Variants in KIF20B observed in about 807,000 individuals in gnomAD.
KIF20B encodes the protein kinesin family member 20B, also known as kinesin-like protein KIF20B.
KIF20B carries 188 observed loss-of-function variants against 232.5 expected under a neutral mutation model. The observed-to-expected ratio is 0.81, with a 90% CI of 0.72 to 0.91. The LOEUF (loss-of-function observed/expected upper bound fraction) is 0.91, where lower values mean the gene tolerates loss of function less well. KIF20B is among the 40% of genes least tolerant of loss of function. The pLI is 0.00. For missense variants in KIF20B, 2,154 were observed against 2,055.9 expected (o/e 1.05, Z -0.92); for synonymous variants, 712 against 683.0 (o/e 1.04, Z -0.66).
intron 14 of KIF20B, 73 bp downstream of exon 14, chr10:89,724,176 G>A (rs2133105875): frequency 1.5e-6 from 2 of 1,324,864 alleles, no homozygotes; most frequent in Non-Finnish European, 2.0e-6. Context: ...TTTTTACTTA[G>A]TTTACTTTTT....
At chr10:89,714,588 A>T (rs1309902166) in intron 7 of KIF20B, among the ~76,000 whole-genome samples, 1 of 152,216 alleles carries the variant, frequency 6.6e-6, no homozygotes, top group East Asian at 1.9e-4. Context: ...GGAAAATGAT[A>T]CATATTTATA....
chr10:89,716,578 G>A (rs748717784), intron 9 of KIF20B, 31 bp downstream of exon 9: 11 of 1,006,338 alleles, frequency 1.1e-5, no homozygotes, highest in African/African-American at 1.6e-5. Flanking sequence ...GAGTAAACTC[G>A]AATCACCGAT....
At chr10:89,725,201 G>C in intron 15 of KIF20B, 43 bp downstream of exon 15, 1 of 1,586,518 alleles carries the variant, frequency 6.3e-7, no homozygotes, top group East Asian at 2.2e-5. Flanking sequence ...TGAGGTTTTG[G>C]TACCAGGGTT....
chr10:89,741,074 G>A (rs556382278), intron 21 of KIF20B, among the ~76,000 whole-genome samples: 1 of 152,288 alleles, frequency 6.6e-6, no homozygotes, highest in East Asian at 1.9e-4. Flanking sequence ...TCACCATAAT[G>A]TAGAATCAGT....
Position 89,708,214 on chromosome 10 carries a change from A to AT in KIF20B, c.148-939dup, listed in dbSNP as rs35028648. On this transcript the variant is annotated intron_variant, in intron 2 of 32. Transcript: ENST00000371728. ...CTTAAAGAGTTTATGTACAATTTGT[A>AT]TTTTTTTTTTTTTTGAGACGGAGTT... Among the ~76,000 whole-genome samples, 155 of 144,004 alleles carry AT rather than the reference A, an allele frequency of 1.1e-3. 1 individual carries two copies. The highest frequency in any genetic ancestry group is 2.4e-3 in the African/African-American group (95 of 39,514). 94.5% of individuals were successfully genotyped at this position (144,004 alleles called of 152,430 possible).
chr10:89,748,634 A>G (rs1250650021), intron 23 of KIF20B, among the ~76,000 whole-genome samples: 1 of 152,086 alleles, frequency 6.6e-6, no homozygotes. Flanking sequence ...AGGCCTTGTC[A>G]CCCTAACATC....
chr10:89,716,577 C>A lies in KIF20B; in HGVS notation c.1052+30C>A, dbSNP rs373563632. Reference sequence around the variant, plus strand: ...AGAATAAACTCTGTAAGAGTAAACTCGAATCACCGATAGTATTCTGTGTTA... The same window carrying A: ...AGAATAAACTCTGTAAGAGTAAACTAGAATCACCGATAGTATTCTGTGTTA... On this transcript the variant is annotated intron_variant, in intron 9 of 32. Transcript: ENST00000371728. 2.3e-5 allele frequency: 23 copies of A among 1,005,196 alleles called. No homozygotes were observed. In the African/African-American group the frequency reaches 3.6e-4, roughly 16 times the overall value. The allele number at this position is 1,005,196 out of a possible 1,614,324, so 62.3% of individuals were successfully genotyped here. A position where few individuals can be genotyped will look rare whatever the true frequency, so the allele number is the denominator to read the frequency against.
chr10:89,716,460 A>G lies in KIF20B; in HGVS notation c.965A>G (p.Asp322Gly). 1 of 1,550,866 alleles carries G rather than the reference A, an allele frequency of 6.4e-7. No individual in the cohort carries two copies. Among genetic ancestry groups the G allele is most frequent in the South Asian group, 1.2e-5 (1 of 85,456 alleles). ...IKDLQWIQVS[D>G]SKEAYRLLKL... ...GATCTACAATGGATTCAAGTATCTG[A>G]TTCCAAAGAAGCCTATAGACTTTTA... Residue 322 changes from aspartate (D) to glycine (G), a missense_variant, in exon 9 of 33, where the codon GAT becomes GGT. Physicochemically the swap from Asp to Gly is moderately conservative, Grantham distance 94 (BLOSUM62 -1). Coordinates refer to ENST00000371728, the MANE Select transcript of KIF20B (RefSeq NM_001284259.2).
intron 23 of KIF20B, among the ~76,000 whole-genome samples, chr10:89,748,979 TTTTCC>T (rs1841973877): frequency 6.6e-6 from 1 of 152,212 alleles, no homozygotes; most frequent in South Asian, 2.1e-4. Context: ...TACACTCTTC[TTTTCC>T]TCAGTTATAT....
At position 89,751,331 on chromosome 10, in the gene KIF20B, TC is replaced by T; in HGVS notation, c.4097-10del. 6.3e-7 allele frequency: 1 copy of T among 1,581,102 alleles called. No homozygotes were observed. Among genetic ancestry groups the T allele is most frequent in the South Asian group, 1.2e-5 (1 of 82,876 alleles). On this transcript the variant is annotated splice_polypyrimidine_tract_variant and intron_variant, in intron 23 of 32. Transcript: ENST00000371728. ...GAGGCTATTAATTTCTAAAATGTTC[TC>T]CCCCGATTTTTAGATCTAAATGTTA...
intron 22 of KIF20B, among the ~76,000 whole-genome samples, chr10:89,744,721 G>A (rs1315632927): frequency 6.6e-6 from 1 of 152,094 alleles, no homozygotes; most frequent in Admixed American, 6.6e-5. Context: ...AAATACATTT[G>A]TTATATTATT....
intron 1 of KIF20B, among the ~76,000 whole-genome samples, chr10:89,703,248 A>G (rs11816439): frequency 0.044 from 6,637 of 152,138 alleles, 191 homozygotes; most frequent in Middle Eastern, 0.082. Flanking sequence ...CCCATGATCT[A>G]GATCAGTGCT....
rs142851918 is a variant in KIF20B at position 89,737,213 on chromosome 10, A to G, written c.2546-174A>G. On this transcript the variant is annotated intron_variant, in intron 19 of 32. Coordinates refer to ENST00000371728, the MANE Select transcript of KIF20B (RefSeq NM_001284259.2). ...ATAATTTTTACATAAATGGGCTCATACCACATGTTTTAAAACCTGTTTTTT... is the reference window on the plus strand; with the variant it reads ...ATAATTTTTACATAAATGGGCTCATGCCACATGTTTTAAAACCTGTTTTTT... Among the ~76,000 whole-genome samples the G allele has an allele frequency of 3.2e-3, 481 of 151,798 alleles. 4 individuals are homozygous for G. The highest frequency in any genetic ancestry group is 0.011 in the African/African-American group (448 of 41,476).
rs759202813 is a variant in KIF20B at position 89,762,803 on chromosome 10, G to C, written c.4957G>C (p.Ala1653Pro). Residue 1653 changes from alanine (A) to proline (P), a missense_variant, in exon 29 of 33, where the codon GCT becomes CCT. Ala to Pro is a conservative substitution (Grantham distance 27, BLOSUM62 -1). Transcript: ENST00000371728. ...ACCAGTGACAGTTAAGATTCCCAAG[G>C]CTCGGAAGAGGAAGAGTAATGAAAT... ...TTPVTVKIPKARKRKSNEMEE... is the reference protein window; with the variant it reads ...TTPVTVKIPKPRKRKSNEMEE... 1.9e-6 allele frequency: 3 copies of C among 1,612,784 alleles called. No homozygotes were observed. Among genetic ancestry groups the C allele is most frequent in the East Asian group, 2.2e-5 (1 of 44,810 alleles).
At chr10:89,705,841 C>A (rs767453930) in intron 2 of KIF20B, among the ~76,000 whole-genome samples, 4 of 152,250 alleles carry the variant, frequency 2.6e-5, no homozygotes, top group Non-Finnish European at 2.9e-5. Context: ...TGAGATTTGT[C>A]GTGTGTCATA....
At chr10:89,755,117 TC>T (rs1175627932) in intron 26 of KIF20B, among the ~76,000 whole-genome samples, 2 of 152,242 alleles carry the variant, frequency 1.3e-5, no homozygotes, top group African/African-American at 4.8e-5. Context: ...GTAATGATTG[TC>T]TTAGCCTGTT....
intron 11 of KIF20B, among the ~76,000 whole-genome samples, chr10:89,718,313 C>T (rs1589855834): frequency 6.6e-6 from 1 of 151,862 alleles, no homozygotes; most frequent in Non-Finnish European, 1.5e-5. Context: ...TGCTTGAGCC[C>T]AGGAGTTCAA....
intron 7 of KIF20B, 109 bp downstream of exon 7, chr10:89,714,192 ATT>A: frequency 1.7e-6 from 1 of 576,044 alleles, no homozygotes; most frequent in Non-Finnish European, 2.7e-6. Context: ...TTATTAAAAA[ATT>A]TTTAGGCTGG....
In KIF20B at chr10:89,738,084, G is replaced by A. The variant is rs1178358966; in HGVS notation, c.3243G>A (p.Leu1081=). ...SSKKSHQIEE[L]EQQIEKLQAE... ...AAAAAAGTCATCAGATTGAGGAACT[G>A]GAACAACAAATTGAAAAATTGCAGG... Residue 1081 remains leucine (L), a synonymous_variant, in exon 20 of 33, where the codon CTG becomes CTA. Coordinates refer to ENST00000371728, the MANE Select transcript of KIF20B (RefSeq NM_001284259.2). 1.2e-6 allele frequency: 2 copies of A among 1,612,712 alleles called. No homozygotes were observed. The highest frequency in any genetic ancestry group is 2.2e-5 in the East Asian group (1 of 44,794).
Sources: gnomAD v4.1 joint callset for allele counts (sites outside exome capture counted in the v4.1 genomes callset) on GRCh38, gnomAD v4.1.1 for gene constraint, MANE v1.5 for transcripts, NCBI Gene and HGNC (gene_info 2026-07-23, HGNC 2026-07-21) for gene names.